The following SLC17A8 variants were observed in gnomAD, a reference collection of about 807,000 sequenced individuals.
SLC17A8 encodes solute carrier family 17 member 8, also known as vesicular glutamate transporter 3.
A neutral mutation model predicts 58.0 loss-of-function variants in SLC17A8; 31 were observed. The observed-to-expected ratio is 0.53, with a 90% confidence interval of 0.40 to 0.72. The LOEUF is 0.72. SLC17A8 is among the 30% of genes least tolerant of loss of function. The pLI is 0.00. For synonymous variants in SLC17A8, 228 were observed against 249.0 expected, an observed-to-expected ratio of 0.92 and a Z score of 0.79; for missense variants, 655 against 727.8, an observed-to-expected ratio of 0.90 and a Z score of 1.15.
Position 100,421,658 on chromosome 12 carries a change from G to GTTTTTTTTTTTTTTTTTTTTT in SLC17A8, c.*1501_*1521dup, listed in dbSNP as rs59689031. On this transcript the variant is annotated 3_prime_UTR_variant, in exon 12 of 12. Transcript: ENST00000323346. The stretch of plus-strand genomic sequence containing the variant: ...TACTTGTAGCTTATTATTGTAAAGT[G>GTTTTTTTTTTTTTTTTTTTTT]TTTTTTTTTTTTTTTTTTTTTTCTA... 9.1e-6 allele frequency: 1 copy of GTTTTTTTTTTTTTTTTTTTTT among 109,872 alleles called. No homozygotes were observed. 6.8% of individuals were successfully genotyped at this position (109,872 alleles called of 1,614,324 possible).
At chr12:100,365,585 C>A (rs1952514354) in intron 1 of SLC17A8, among the ~76,000 whole-genome samples, 1 of 152,198 alleles carries the variant, frequency 6.6e-6, no homozygotes. Context: ...CCAAAGAGGT[C>A]TGCCAACCAT....
At chr12:100,418,352 G>T (rs998290598) in intron 11 of SLC17A8, among the ~76,000 whole-genome samples, 196 bp downstream of exon 11, 3 of 151,906 alleles carry the variant, frequency 2.0e-5, no homozygotes, top group African/African-American at 7.3e-5. Flanking sequence ...AAGGCTAGTT[G>T]TTGTTTTGTT....
In SLC17A8 at chr12:100,357,078, T is replaced by C; in HGVS notation, c.-314T>C. 5 of 368,046 alleles carry C rather than the reference T, an allele frequency of 1.4e-5. No individual in the cohort carries two copies. Among genetic ancestry groups the C allele is most frequent in the Non-Finnish European group, 2.1e-5 (4 of 190,364 alleles). The allele number at this position is 368,046 out of a possible 1,614,324, so 22.8% of individuals were successfully genotyped here. A position where few individuals can be genotyped will look rare whatever the true frequency, so the allele number is the denominator to read the frequency against. ...GGAGGGAGAGAGGCTGCGCTCAGTC[T>C]GAGAGTGGCTGCCTGAGACAGCTGC... On this transcript the variant is annotated 5_prime_UTR_variant, in exon 1 of 12. Coordinates refer to ENST00000323346, the MANE Select transcript of SLC17A8 (RefSeq NM_139319.3).
chr12:100,368,950 G>T (rs543372929), intron 1 of SLC17A8, among the ~76,000 whole-genome samples: 181 of 152,306 alleles, frequency 1.2e-3, no homozygotes, highest in Non-Finnish European at 1.7e-3. Context: ...ATACACTCTA[G>T]CTAAAGTGGA....
intron 3 of SLC17A8, among the ~76,000 whole-genome samples, chr12:100,392,996 C>T (rs948482689): frequency 2.6e-5 from 4 of 152,154 alleles, no homozygotes; most frequent in African/African-American, 7.2e-5. Flanking sequence ...CCTGTGCCAC[C>T]AAAAATTTGT....
chr12:100,388,800 G>C (rs960300556), intron 2 of SLC17A8, among the ~76,000 whole-genome samples: 2 of 152,182 alleles, frequency 1.3e-5, no homozygotes, highest in African/African-American at 4.8e-5. Context: ...ATATCAAAAA[G>C]CTTTACAAAG....
intron 10 of SLC17A8, among the ~76,000 whole-genome samples, chr12:100,413,991 TAAATA>T (rs1026798117): frequency 6.6e-6 from 1 of 151,804 alleles, no homozygotes; most frequent in South Asian, 2.1e-4. Flanking sequence ...AAAAAATAAA[TAAATA>T]AAATAAAAAT....
chr12:100,384,928 G>C (rs767024277), intron 2 of SLC17A8, among the ~76,000 whole-genome samples: 12 of 152,136 alleles, frequency 7.9e-5, no homozygotes, highest in African/African-American at 2.9e-4. Flanking sequence ...TTCATGGACT[G>C]CTTTCTTTCC....
intron 9 of SLC17A8, 39 bp from the exon 10 acceptor site, chr12:100,412,731 G>T: frequency 7.3e-7 from 1 of 1,376,682 alleles, no homozygotes; most frequent in African/African-American, 1.4e-5. Context: ...TGACCGATAT[G>T]AAAATGACAT....
rs1373207119 is a variant in SLC17A8 at position 100,412,634 on chromosome 12, A to T, written c.1187-136A>T. ...AAACTTAAATTCCAGAACTTAAAGT[A>T]AAAAAAAAACATAGACACAAACAAA... On this transcript the variant is annotated intron_variant, in intron 9 of 11. Transcript: ENST00000323346. 2.3e-5 allele frequency: 12 copies of T among 531,286 alleles called. No individual in the cohort carries two copies. The Admixed American group carries it at 4.0e-4, about 18-fold the overall frequency. The allele number at this position is 531,286 out of a possible 1,614,324, so 32.9% of individuals were successfully genotyped here. A position where few individuals can be genotyped will look rare whatever the true frequency, so the allele number is the denominator to read the frequency against.
At chr12:100,364,982 C>T (rs1952510242) in intron 1 of SLC17A8, among the ~76,000 whole-genome samples, 1 of 152,098 alleles carries the variant, frequency 6.6e-6, no homozygotes, top group Non-Finnish European at 1.5e-5. Flanking sequence ...TTTTTTCCTC[C>T]TGTAATTTGT....
intron 10 of SLC17A8, among the ~76,000 whole-genome samples, chr12:100,417,792 A>G (rs1244192556): frequency 6.6e-6 from 1 of 152,242 alleles, no homozygotes; most frequent in Non-Finnish European, 1.5e-5. Flanking sequence ...TAGAGATGCC[A>G]TAATTCTCTT....
intron 1 of SLC17A8, among the ~76,000 whole-genome samples, chr12:100,362,262 T>G (rs1952489788): frequency 6.6e-6 from 1 of 152,150 alleles, no homozygotes; most frequent in African/African-American, 2.4e-5. Context: ...GCAAGGGTCA[T>G]GGGTCCTGAT....
chr12:100,410,800 T>C (rs780171383), intron 9 of SLC17A8: 1 of 152,222 alleles, frequency 6.6e-6, no homozygotes, highest in African/African-American at 2.4e-5. Context: ...CAGATTTGTA[T>C]ATGAAAGCTC....
At chr12:100,370,148 C>T (rs1952549356) in intron 1 of SLC17A8, among the ~76,000 whole-genome samples, 1 of 151,970 alleles carries the variant, frequency 6.6e-6, no homozygotes, top group South Asian at 2.1e-4. Flanking sequence ...AGATGGGGGT[C>T]TTACTATGTT....
At chr12:100,400,801 C>G (rs989332724) in intron 5 of SLC17A8, among the ~76,000 whole-genome samples, 4 of 152,144 alleles carry the variant, frequency 2.6e-5, no homozygotes, top group African/African-American at 9.6e-5. Flanking sequence ...ACCAGACGTC[C>G]AGAGGATAGC....
rs1005973446 is a variant in SLC17A8, at chr12:100,380,554, T to A, written c.102-147T>A. 6.0e-5 allele frequency: 29 copies of A among 485,460 alleles called. 2 individuals carry two copies. The Admixed American group carries it at 6.2e-4, about 10-fold the overall frequency. The allele number at this position is 485,460 out of a possible 1,614,324, so 30.1% of individuals were successfully genotyped here. On this transcript the variant is annotated intron_variant, in intron 1 of 11. Coordinates refer to ENST00000323346, the MANE Select transcript of SLC17A8 (RefSeq NM_139319.3). ...TAATAATAATAATAACTTACTTTAA[T>A]AATAATAGTAATACCTCCATAGTAT...
chr12:100,362,068 C>T (rs1365531636), intron 1 of SLC17A8, among the ~76,000 whole-genome samples: 3 of 152,178 alleles, frequency 2.0e-5, no homozygotes, highest in African/African-American at 4.8e-5. Context: ...GGAGCACAAG[C>T]GATGTGCTGA....
chr12:100,383,188 T>C (rs1166825581), intron 2 of SLC17A8, among the ~76,000 whole-genome samples: 2 of 152,246 alleles, frequency 1.3e-5, no homozygotes, highest in Non-Finnish European at 1.5e-5. Flanking sequence ...TTTGCATTTG[T>C]TTGTTGCCTG....
Sources: gnomAD v4.1 joint callset for allele counts (sites outside exome capture counted in the v4.1 genomes callset) on GRCh38, gnomAD v4.1.1 for gene constraint, MANE v1.5 for transcripts, NCBI Gene and HGNC (gene_info 2026-07-23, HGNC 2026-07-21) for gene names.